CSMD3: variants seen among roughly 807,000 people sequenced by gnomAD.
CSMD3 encodes CUB and Sushi multiple domains 3.
Under a neutral mutation model 435.2 loss-of-function variants are expected in CSMD3, and 177 were observed. That is an observed-to-expected ratio of 0.41 (90% confidence interval 0.36 to 0.46). The LOEUF is 0.46. Among genes scored for constraint, CSMD3 ranks in the 20% least tolerant of loss-of-function variants. The probability of loss-of-function intolerance (pLI) is 0.34; values close to 1 mark genes in which losing one functional copy is unlikely to be tolerated. For missense variants in CSMD3, 4,265 were observed against 4,504.6 expected, an observed-to-expected ratio of 0.95 and a Z score of 1.52; for synonymous variants, 1,656 against 1,520.5, an observed-to-expected ratio of 1.09 and a Z score of -2.07.
intron 13 of CSMD3, among the ~76,000 whole-genome samples, chr8:112,755,285 T>C (rs900899667): frequency 4.0e-5 from 6 of 151,318 alleles, no homozygotes; most frequent in Non-Finnish European, 4.4e-5. Context: ...GAGCCGAGAT[T>C]GCGCCACAGA....
intron 9 of CSMD3, among the ~76,000 whole-genome samples, chr8:112,934,728 GC>G (rs1318305908): frequency 2.0e-5 from 3 of 151,984 alleles, no homozygotes; most frequent in Admixed American, 2.0e-4. Flanking sequence ...GGGCCTGGGA[GC>G]CTGGAAAAAA....
chr8:112,544,369 CCATT>C lies in CSMD3; in HGVS notation c.4564+6298_4564+6301del, dbSNP rs571874537. 3.5e-3 allele frequency among the ~76,000 whole-genome samples: 539 copies of C among 152,138 alleles called. 1 individual carries two copies. Among genetic ancestry groups the C allele is most frequent in the African/African-American group, 0.012 (518 of 41,522 alleles). ...AATGCATTATTATGGCTTCAAATAA[CCATT>C]CAATCTGATCCATATTTTGGCATAT... On this transcript the variant is annotated intron_variant, in intron 27 of 70. Coordinates refer to ENST00000297405, the MANE Select transcript of CSMD3 (RefSeq NM_198123.2).
chr8:112,466,917 G>A (rs1818014154), intron 32 of CSMD3, among the ~76,000 whole-genome samples: 1 of 152,050 alleles, frequency 6.6e-6, no homozygotes, highest in Non-Finnish European at 1.5e-5. Flanking sequence ...CTTATAATGT[G>A]AGTAATATCC....
intron 8 of CSMD3, among the ~76,000 whole-genome samples, chr8:112,948,966 G>A (rs2083711309): frequency 6.6e-6 from 1 of 151,978 alleles, no homozygotes; most frequent in African/African-American, 2.4e-5. Flanking sequence ...CTGGTGTGCA[G>A]CAGCACAATC....
intron 32 of CSMD3, among the ~76,000 whole-genome samples, chr8:112,440,852 G>A (rs1201885066): frequency 6.6e-6 from 1 of 152,162 alleles, no homozygotes; most frequent in Non-Finnish European, 1.5e-5. Context: ...CATATAGTAG[G>A]GAGGCCCTGG....
In CSMD3 at chr8:112,306,115, T is replaced by A. The variant is rs758099512; in HGVS notation, c.7963A>T (p.Thr2655Ser). The A allele has an allele frequency of 6.2e-7, 1 of 1,612,644 alleles. No individual in the cohort carries two copies. The highest frequency in any genetic ancestry group is 2.2e-5 in the East Asian group (1 of 44,830). ...TTDYLVGTRV[T>S]YFCNDGYRLS... ...CGATATCCATCATTACAAAAATAGGTAACTCGCGTTCCTACCAAATAGTCT... is the reference window on the plus strand; with the variant it reads ...CGATATCCATCATTACAAAAATAGGAAACTCGCGTTCCTACCAAATAGTCT... Residue 2655 changes from threonine (T) to serine (S), a missense_variant, in exon 51 of 71, where the codon ACC becomes TCC. This residue lies in a region of CSMD3 where 3,255 missense variants were observed against 3,380.2 expected (regional missense o/e 0.96). Coordinates refer to ENST00000297405, the MANE Select transcript of CSMD3 (RefSeq NM_198123.2).
At chr8:112,692,966 T>C (rs1586984292) in intron 13 of CSMD3, among the ~76,000 whole-genome samples, 2 of 134,080 alleles carry the variant, frequency 1.5e-5, no homozygotes, top group East Asian at 2.2e-4. Flanking sequence ...TCTATCTATC[T>C]ATCTATCGAG....
At chr8:112,862,438 C>T (rs999094496) in intron 10 of CSMD3, among the ~76,000 whole-genome samples, 5 of 151,804 alleles carry the variant, frequency 3.3e-5, no homozygotes, top group South Asian at 2.1e-4. Context: ...AACTACTGGA[C>T]GTTTTTGACA....
chr8:112,667,161 T>C (rs1228052450), intron 16 of CSMD3, among the ~76,000 whole-genome samples: 1 of 152,106 alleles, frequency 6.6e-6, no homozygotes, highest in Non-Finnish European at 1.5e-5. Context: ...TTTGGAGATG[T>C]GTAAACCAAG....
At chr8:113,178,680 TTTTG>T (rs1199913843) in intron 3 of CSMD3, among the ~76,000 whole-genome samples, 3 of 151,884 alleles carry the variant, frequency 2.0e-5, no homozygotes, top group South Asian at 2.1e-4. Context: ...AAAAGTTAGT[TTTTG>T]TTTGTTTGTT....
At chr8:112,471,689 G>C (rs16883677) in intron 32 of CSMD3, among the ~76,000 whole-genome samples, 2,645 of 152,228 alleles carry the variant, frequency 0.017, 78 homozygotes, top group African/African-American at 0.06. Flanking sequence ...TATCTCAGCA[G>C]CAGAAATGTT....
intron 3 of CSMD3, among the ~76,000 whole-genome samples, chr8:113,218,891 T>C (rs563026250): frequency 6.6e-6 from 1 of 151,452 alleles, no homozygotes; most frequent in African/African-American, 2.4e-5. Flanking sequence ...AATTCATTTA[T>C]GATTTCTATA....
intron 22 of CSMD3, among the ~76,000 whole-genome samples, chr8:112,619,606 C>T (rs1833912778): frequency 6.6e-6 from 1 of 152,002 alleles, no homozygotes; most frequent in Admixed American, 6.6e-5. Flanking sequence ...TCTGTGGCCA[C>T]CTTCTCTGAT....
At chr8:113,261,243 A>T (rs2093424902) in intron 3 of CSMD3, among the ~76,000 whole-genome samples, 1 of 152,098 alleles carries the variant, frequency 6.6e-6, no homozygotes, top group Non-Finnish European at 1.5e-5. Context: ...ATAGTTTATA[A>T]CTGTTACTTT....
rs371068880 is a variant in CSMD3 at position 112,231,671 on chromosome 8, G to A, written c.10741-39C>T. On this transcript the variant is annotated intron_variant, in intron 68 of 70. Coordinates refer to ENST00000297405, the MANE Select transcript of CSMD3 (RefSeq NM_198123.2). Reference sequence around the variant, plus strand: ...AACAGCCAAATATACTTGAATACTGGCCATAGCTATATTTTCCCAGCCTTA... The same window carrying A: ...AACAGCCAAATATACTTGAATACTGACCATAGCTATATTTTCCCAGCCTTA... 24 of 1,126,382 alleles carry A rather than the reference G, an allele frequency of 2.1e-5. No individual in the cohort carries two copies. The African/African-American group carries it at 3.2e-4, about 15-fold the overall frequency. 69.8% of individuals were successfully genotyped at this position (1,126,382 alleles called of 1,614,324 possible).
intron 32 of CSMD3, among the ~76,000 whole-genome samples, chr8:112,469,054 A>G (rs780944003): frequency 6.6e-6 from 1 of 151,788 alleles, no homozygotes; most frequent in African/African-American, 2.4e-5. Flanking sequence ...AGTAAAGCGA[A>G]GTAATATTAT....
rs559624249 is a variant in CSMD3 at position 113,235,011 on chromosome 8, A to G, written c.514+43581T>C. On this transcript the variant is annotated intron_variant, in intron 3 of 70. Coordinates refer to ENST00000297405, the MANE Select transcript of CSMD3 (RefSeq NM_198123.2). ...AGAGAATGTATAAATGGGGTGGAAA[A>G]TATATCCAGACGTGTTGACAGATGT... is the stretch of plus-strand genomic sequence containing the variant. 2.6e-5 allele frequency among the ~76,000 whole-genome samples: 4 copies of G among 152,178 alleles called. No individual in the cohort carries two copies. In the East Asian group the frequency reaches 7.8e-4, roughly 30 times the overall value.
chr8:112,494,468 CTT>C (rs1563614862), intron 30 of CSMD3, among the ~76,000 whole-genome samples: 1 of 102,388 alleles, frequency 9.8e-6, no homozygotes, highest in East Asian at 2.4e-4. Flanking sequence ...TCTCCTTTCT[CTT>C]TCTTTTCTTT....
At chr8:113,336,847 G>A (rs1563717013) in intron 1 of CSMD3, among the ~76,000 whole-genome samples, 1 of 152,120 alleles carries the variant, frequency 6.6e-6, no homozygotes, top group Non-Finnish European at 1.5e-5. Context: ...CTGGCCAGCA[G>A]AGATGAGTAT....
Sources: gnomAD v4.1 joint callset for allele counts (sites outside exome capture counted in the v4.1 genomes callset) on GRCh38, gnomAD v4.1.1 for gene constraint, gnomAD v4.1.1 regional missense constraint, MANE v1.5 for transcripts, NCBI Gene and HGNC (gene_info 2026-07-23, HGNC 2026-07-21) for gene names.